The following FSHR variants were observed in gnomAD, a reference collection of about 807,000 sequenced individuals.
FSHR encodes follicle stimulating hormone receptor, also known as follicle-stimulating hormone receptor.
FSHR carries 46 observed loss-of-function variants against 52.1 expected under a neutral mutation model. That is an observed-to-expected ratio of 0.88 (90% CI 0.70 to 1.13). The LOEUF (loss-of-function observed/expected upper bound fraction) is 1.13. Among genes scored for constraint, FSHR ranks in the 50% most tolerant of loss-of-function variants. FSHR has a pLI of 0.00. For missense variants in FSHR, 964 were observed against 834.6 expected, an observed-to-expected ratio of 1.16 and a Z score of -1.91; for synonymous variants, 399 against 309.6, an observed-to-expected ratio of 1.29 and a Z score of -3.03.
chr2:49,000,464 G>A (rs571020005), intron 4 of FSHR, among the ~76,000 whole-genome samples: 2 of 152,118 alleles, frequency 1.3e-5, no homozygotes, highest in Admixed American at 6.6e-5. Context: ...GCAAGCTATC[G>A]GATACCTCCG....
chr2:49,063,639 G>C (rs1468300371), intron 2 of FSHR, among the ~76,000 whole-genome samples: 1 of 152,136 alleles, frequency 6.6e-6, no homozygotes. Context: ...AAGAAGCAGA[G>C]AGTAGAATAG....
chr2:49,113,436 TA>T (rs1283445496), intron 1 of FSHR, among the ~76,000 whole-genome samples: 1 of 152,212 alleles, frequency 6.6e-6, no homozygotes, highest in African/African-American at 2.4e-5. Flanking sequence ...TGAAAATTGT[TA>T]ATCCAGCCAC....
At chr2:48,993,072 A>G (rs993808152) in intron 4 of FSHR, among the ~76,000 whole-genome samples, 5 of 151,496 alleles carry the variant, frequency 3.3e-5, no homozygotes, top group Non-Finnish European at 7.4e-5. Context: ...ACTCCTTTTT[A>G]GCATTCTTTG....
At chr2:49,134,099 A>G (rs1419991082) in intron 1 of FSHR, among the ~76,000 whole-genome samples, 4 of 152,254 alleles carry the variant, frequency 2.6e-5, no homozygotes, top group African/African-American at 9.6e-5. Flanking sequence ...GCTTCTGCAT[A>G]GCAAAAGAAA....
At chr2:49,039,098 A>G (rs775170688) in intron 2 of FSHR, among the ~76,000 whole-genome samples, 17 of 151,584 alleles carry the variant, frequency 1.1e-4, no homozygotes, top group Non-Finnish European at 1.8e-4. Context: ...TCACACATCC[A>G]TAGACTCAGA....
chr2:48,989,027 G>C lies in FSHR; in HGVS notation c.474C>G (p.His158Gln). The C allele has an allele frequency of 6.2e-7, 1 of 1,613,852 alleles. No homozygotes were observed. The highest frequency in any genetic ancestry group is 8.5e-7 in the Non-Finnish European group (1 of 1,179,830). Residue 158 changes from histidine to glutamine, a missense_variant, in exon 6 of 10, where the codon CAC becomes CAG. Transcript: ENST00000406846. The stretch of plus-strand genomic sequence containing the variant: ...CCACGAAAGAATTTCTTTCAATTGT[G>C]TGGATGTTTATGTTATCTTGAATGT... The part of the protein sequence containing the change: ...LLDIQDNINI[H>Q]TIERNSFVGL...
At chr2:49,145,172 A>G (rs1672826156) in intron 1 of FSHR, among the ~76,000 whole-genome samples, 1 of 152,136 alleles carries the variant, frequency 6.6e-6, no homozygotes, top group African/African-American at 2.4e-5. Context: ...CAAAGAAAAC[A>G]ATGCAGCCTA....
intron 2 of FSHR, among the ~76,000 whole-genome samples, chr2:49,036,035 G>A (rs1016702764): frequency 4.6e-5 from 7 of 152,116 alleles, no homozygotes; most frequent in Non-Finnish European, 1.0e-4. Flanking sequence ...ACCCATGATC[G>A]ATACATGGAT....
In FSHR at chr2:48,999,577, G is replaced by C. The variant is rs1456326410; in HGVS notation, c.375-8940C>G. 1.3e-5 allele frequency among the ~76,000 whole-genome samples: 2 copies of C among 152,078 alleles called. 1 individual carries two copies. Among genetic ancestry groups the C allele is most frequent in the African/African-American group, 4.8e-5 (2 of 41,440 alleles). ...GTATGGAGGGTTTTATTCCTGAAGA[G>C]GGCCTTAGACTCCGTAACCTCTAAG... On this transcript the variant is annotated intron_variant, in intron 4 of 9. Coordinates refer to ENST00000406846, the MANE Select transcript of FSHR (RefSeq NM_000145.4).
At chr2:49,097,392 C>T (rs1351801529) in intron 1 of FSHR, among the ~76,000 whole-genome samples, 3 of 152,126 alleles carry the variant, frequency 2.0e-5, no homozygotes, top group Non-Finnish European at 4.4e-5. Context: ...CTGTTGAGCC[C>T]ACTAGGGAAC....
intron 6 of FSHR, 33 bp downstream of exon 6, chr2:48,988,944 G>A (rs1437680666): frequency 1.0e-5 from 16 of 1,556,414 alleles, no homozygotes; most frequent in Non-Finnish European, 1.3e-5. Flanking sequence ...AAAATCAAAT[G>A]TTACTCTGTT....
At position 48,962,499 on chromosome 2, in the gene FSHR, G is replaced by C. The variant is rs930111324; in HGVS notation, c.*234C>G. 3.8e-6 allele frequency: 2 copies of C among 528,630 alleles called. No individual in the cohort carries two copies. The highest frequency in any genetic ancestry group is 6.8e-6 in the Non-Finnish European group (2 of 296,230). 32.7% of individuals were successfully genotyped at this position (528,630 alleles called of 1,614,324 possible). On this transcript the variant is annotated 3_prime_UTR_variant, in exon 10 of 10. Transcript: ENST00000406846. Reference sequence around the variant, plus strand: ...AACGTGCAAAAATAACATATATAAGGATAAAATATGTAATACAGTATTGCA... The same window carrying C: ...AACGTGCAAAAATAACATATATAAGCATAAAATATGTAATACAGTATTGCA...
intron 8 of FSHR, among the ~76,000 whole-genome samples, chr2:48,977,913 T>C (rs560840084): frequency 6.6e-6 from 1 of 152,292 alleles, no homozygotes; most frequent in East Asian, 1.9e-4. Flanking sequence ...AAACTTTATC[T>C]TTCAGGCTGG....
chr2:49,049,134 G>A (rs984836378), intron 2 of FSHR, among the ~76,000 whole-genome samples: 4 of 151,684 alleles, frequency 2.6e-5, no homozygotes, highest in Non-Finnish European at 4.4e-5. Context: ...GTATTATGCT[G>A]CCTTAATTGT....
intron 2 of FSHR, among the ~76,000 whole-genome samples, chr2:49,060,091 A>G (rs1669228185): frequency 6.6e-6 from 1 of 152,208 alleles, no homozygotes; most frequent in South Asian, 2.1e-4. Flanking sequence ...CAACACATAT[A>G]TGGAAAAATG....
At chr2:49,061,040 C>T (rs34158171) in intron 2 of FSHR, among the ~76,000 whole-genome samples, 52,645 of 151,928 alleles carry the variant, frequency 0.35, 9,740 homozygotes, top group East Asian at 0.49. Context: ...CAGATTACCC[C>T]TTCTTCTGAG....
At chr2:49,013,463 AATATATATATATATATAAATAAAT>A (rs1194601084) in intron 4 of FSHR, among the ~76,000 whole-genome samples, 3 of 133,280 alleles carry the variant, frequency 2.3e-5, no homozygotes, top group African/African-American at 8.2e-5. Context: ...TATATATATA[AATATATATATATATATAAATAAAT>A]ATATATATAT....
intron 4 of FSHR, among the ~76,000 whole-genome samples, chr2:49,006,350 T>G (rs888780125): frequency 2.6e-5 from 4 of 152,090 alleles, no homozygotes; most frequent in African/African-American, 9.7e-5. Flanking sequence ...TTATAACTTA[T>G]TTTTTCCTAC....
rs537080565 is a variant in FSHR, at chr2:49,135,466, T to G, written c.152+18800A>C. Among the ~76,000 whole-genome samples the G allele has an allele frequency of 7.2e-5, 11 of 152,292 alleles. No individual in the cohort carries two copies. The South Asian group carries it at 2.3e-3, about 32-fold the overall frequency. On this transcript the variant is annotated intron_variant, in intron 1 of 9. Coordinates refer to ENST00000406846, the MANE Select transcript of FSHR (RefSeq NM_000145.4). ...AACTTATGGAATCCAGCTAAGGTCA[T>G]GCTTATAGAAAAGTTTATAGCTATA...
Sources: gnomAD v4.1 joint callset for allele counts (sites outside exome capture counted in the v4.1 genomes callset) on GRCh38, gnomAD v4.1.1 for gene constraint, MANE v1.5 for transcripts, NCBI Gene and HGNC (gene_info 2026-07-23, HGNC 2026-07-21) for gene names.